Variants in WDR49 observed in about 807,000 individuals in gnomAD.
WDR49 encodes the protein WD repeat domain 49.
Under a neutral mutation model 119.5 loss-of-function variants are expected in WDR49, and 107 were observed. That is an observed-to-expected ratio of 0.90 (90% confidence interval 0.77 to 1.05). The LOEUF (loss-of-function observed/expected upper bound fraction) is 1.05. Among genes scored for constraint, WDR49 ranks in the 50% least tolerant of loss-of-function variants. The probability of loss-of-function intolerance (pLI) is 0.00; values close to 1 mark genes in which losing one functional copy is unlikely to be tolerated. For missense variants in WDR49, 1,240 were observed against 1,220.5 expected (o/e 1.02, Z -0.24); for synonymous variants, 425 against 418.8 (o/e 1.01, Z -0.18).
At chr3:167,599,345 G>T (rs1402270073) in intron 7 of WDR49, among the ~76,000 whole-genome samples, 1 of 152,124 alleles carries the variant, frequency 6.6e-6, no homozygotes, top group Non-Finnish European at 1.5e-5. Context: ...AGGCAGAGGA[G>T]CCTCACCTCA....
chr3:167,579,887 T>C (rs1714447356), intron 7 of WDR49, among the ~76,000 whole-genome samples: 1 of 152,116 alleles, frequency 6.6e-6, no homozygotes, highest in Non-Finnish European at 1.5e-5. Context: ...ATGGACCCCT[T>C]CTAAGAAATA....
intron 18 of WDR49, among the ~76,000 whole-genome samples, chr3:167,482,765 G>A (rs1280783237): frequency 1.4e-4 from 22 of 151,878 alleles, no homozygotes; most frequent in Non-Finnish European, 5.9e-5. Flanking sequence ...GTATTTAAGT[G>A]CAGAAGTAAA....
At chr3:167,595,731 A>G (rs1715391062) in intron 7 of WDR49, among the ~76,000 whole-genome samples, 1 of 152,168 alleles carries the variant, frequency 6.6e-6, no homozygotes, top group African/African-American at 2.4e-5. Flanking sequence ...AGATGGATTA[A>G]AGACTTAAAC....
At chr3:167,602,014 C>A in intron 7 of WDR49, 113 bp downstream of exon 7, 1 of 1,303,964 alleles carries the variant, frequency 7.7e-7, no homozygotes, top group Non-Finnish European at 1.0e-6. Flanking sequence ...AGTAGCTAGC[C>A]AGTATATTTT....
intron 2 of WDR49, among the ~76,000 whole-genome samples, chr3:167,642,054 G>C (rs1026639782): frequency 1.3e-5 from 2 of 151,780 alleles, no homozygotes; most frequent in Admixed American, 6.6e-5. Context: ...AAAAGGATAG[G>C]GAAGAGAGTA....
chr3:167,504,315 G>C (rs1259739430), intron 17 of WDR49, among the ~76,000 whole-genome samples: 1 of 152,212 alleles, frequency 6.6e-6, no homozygotes, highest in Non-Finnish European at 1.5e-5. Flanking sequence ...GGGCAAATCT[G>C]TGCAAGACCT....
At chr3:167,521,094 G>C (rs1231994220) in intron 16 of WDR49, among the ~76,000 whole-genome samples, 1 of 152,020 alleles carries the variant, frequency 6.6e-6, no homozygotes, top group East Asian at 1.9e-4. Flanking sequence ...GGGAGCAGTG[G>C]GGAAACAGTG....
intron 7 of WDR49, among the ~76,000 whole-genome samples, chr3:167,596,870 T>TA (rs544912943): frequency 6.4e-5 from 9 of 141,348 alleles, no homozygotes; most frequent in South Asian, 2.2e-4. Flanking sequence ...TAAAGTATAA[T>TA]AATAAATAAA....
chr3:167,640,032 T>A (rs1717805682), intron 2 of WDR49, among the ~76,000 whole-genome samples: 1 of 151,828 alleles, frequency 6.6e-6, no homozygotes, highest in African/African-American at 2.4e-5. Flanking sequence ...CCTACTTTAT[T>A]ATTTCCCTTC....
At chr3:167,573,875 C>T (rs548183258) in intron 8 of WDR49, among the ~76,000 whole-genome samples, 47 of 152,282 alleles carry the variant, frequency 3.1e-4, no homozygotes, top group African/African-American at 6.0e-4. Flanking sequence ...CCAAAATAAA[C>T]CCTCTCTCCA....
intron 2 of WDR49, among the ~76,000 whole-genome samples, chr3:167,639,952 C>G (rs1021164380): frequency 1.3e-5 from 2 of 151,738 alleles, no homozygotes; most frequent in African/African-American, 2.4e-5. Context: ...AAATGTCCCT[C>G]TATACTACTA....
chr3:167,584,253 A>T (rs868738192), intron 7 of WDR49, among the ~76,000 whole-genome samples: 2 of 152,304 alleles, frequency 1.3e-5, no homozygotes, highest in Middle Eastern at 3.4e-3. Context: ...ATGGAGAAAA[A>T]AAATCTGAAC....
Position 167,569,149 on chromosome 3 carries a change from G to A in WDR49, c.1509+6769C>T, listed in dbSNP as rs140429596. Among the ~76,000 whole-genome samples the A allele has an allele frequency of 2.5e-3, 377 of 152,134 alleles. 2 individuals are homozygous for A. The highest frequency in any genetic ancestry group is 8.7e-3 in the African/African-American group (362 of 41,494). The stretch of plus-strand genomic sequence containing the variant: ...AGTAGAGATGGGGTTTTACCATGTT[G>A]GCCAGGCTGGTCTTGAACTCCTGAC... On this transcript the variant is annotated intron_variant, in intron 8 of 18. Transcript: ENST00000682715.
rs1309152443 is a variant in WDR49 at position 167,478,978 on chromosome 3, T to C, written c.3050A>G (p.Asp1017Gly). 6.2e-7 allele frequency: 1 copy of C among 1,607,562 alleles called. No individual in the cohort carries two copies. Among genetic ancestry groups the C allele is most frequent in the Non-Finnish European group, 8.5e-7 (1 of 1,177,892 alleles). The change falls in exon 19 of 19, where the codon GAT (aspartate) becomes GGT (glycine). Residue 1017 changes from aspartate to glycine, a missense_variant. Coordinates refer to ENST00000682715, the MANE Select transcript of WDR49 (RefSeq NM_001366157.1). ...SLFKTLKAVF[D>G]EKNLFPKEIL... is the part of the protein sequence containing the mutation. ...TTCCTTGGGAAACAGGTTTTTCTCA[T>C]CAAATACAGCTTTCAAAGCTACAAA...
chr3:167,563,353 C>CAAAAAAAAAAAA (rs61247447), intron 8 of WDR49, among the ~76,000 whole-genome samples: 13 of 55,892 alleles, frequency 2.3e-4, no homozygotes, highest in Non-Finnish European at 3.8e-4. Flanking sequence ...GATTCTGAAT[C>CAAAAAAAAAAAA]AAAAAAAAAA....
chr3:167,530,569 T>TA (rs956090251), intron 13 of WDR49, among the ~76,000 whole-genome samples: 81 of 144,360 alleles, frequency 5.6e-4, no homozygotes, highest in East Asian at 1.0e-3. Flanking sequence ...AACCAATACT[T>TA]AAAAAAAAAA....
chr3:167,554,921 C>T, intron 9 of WDR49, 123 bp from the exon 10 acceptor site: 1 of 674,066 alleles, frequency 1.5e-6, no homozygotes, highest in Non-Finnish European at 2.4e-6. Flanking sequence ...TGAATTTTGC[C>T]ACTATATTAC....
intron 16 of WDR49, among the ~76,000 whole-genome samples, chr3:167,513,240 C>T (rs1752056324): frequency 6.6e-6 from 1 of 152,172 alleles, no homozygotes; most frequent in Non-Finnish European, 1.5e-5. Flanking sequence ...GCCCATCAGA[C>T]TGACAGCGGA....
At chr3:167,500,131 T>C (rs756662005) in intron 18 of WDR49, 22 bp downstream of exon 18, 2 of 1,540,072 alleles carry the variant, frequency 1.3e-6, no homozygotes, top group Non-Finnish European at 1.7e-6. Context: ...ATAATAGAGG[T>C]GTATGATGGC....
Sources: allele counts gnomAD v4.1 joint callset (sites outside exome capture counted in the v4.1 genomes callset), GRCh38; gene constraint gnomAD v4.1.1; transcripts MANE v1.5; gene names NCBI Gene and HGNC (gene_info 2026-07-23, HGNC 2026-07-21).